SAXO1: variants seen among roughly 807,000 people sequenced by gnomAD.
The protein encoded by SAXO1 is 4930500O09Rik.
Under a neutral mutation model 17.5 loss-of-function variants are expected in SAXO1, and 21 were observed. The ratio of observed to expected loss-of-function variants is 1.20; its 90% confidence interval spans 0.85 to 1.72. The LOEUF is 1.72. Among genes scored for constraint, SAXO1 ranks in the 40% most tolerant of loss-of-function variants. The probability of loss-of-function intolerance (pLI) is 0.00; values close to 1 mark genes in which losing one functional copy is unlikely to be tolerated. For synonymous variants in SAXO1, 274 were observed against 216.5 expected (o/e 1.27, Z -2.33); for missense variants, 843 against 596.0 (o/e 1.41, Z -4.32).
intron 1 of SAXO1, among the ~76,000 whole-genome samples, chr9:18,961,220 G>C (rs913795773): frequency 5.3e-5 from 8 of 151,544 alleles, no homozygotes; most frequent in African/African-American, 1.7e-4. Flanking sequence ...AGGCTAGAGT[G>C]CAGTGGTGCA....
chr9:19,032,822 T>G, intron 1 of SAXO1, 49 bp downstream of exon 1: 1 of 1,592,546 alleles, frequency 6.3e-7, no homozygotes, highest in Non-Finnish European at 8.5e-7. Context: ...TCCTCGGGAG[T>G]CTGAAAACCC....
chr9:18,950,963 A>G (rs747554175), intron 1 of SAXO1, 26 bp from the exon 2 acceptor site: 1 of 1,591,200 alleles, frequency 6.3e-7, no homozygotes, highest in South Asian at 1.1e-5. Flanking sequence ...AGTTAGGTTG[A>G]TTACCTTCTT....
chr9:18,994,239 C>T (rs1477041502), intron 1 of SAXO1, among the ~76,000 whole-genome samples: 8 of 152,020 alleles, frequency 5.3e-5, no homozygotes, highest in Non-Finnish European at 8.8e-5. Flanking sequence ...TGTTTGTGTA[C>T]GTGTGTTTTT....
chr9:18,933,909 A>G lies in SAXO1; in HGVS notation c.422-4854T>C, dbSNP rs6475270. Among the ~76,000 whole-genome samples the G allele has an allele frequency of 9.2e-5, 14 of 151,974 alleles. 2 individuals are homozygous for G. The East Asian group carries it at 1.4e-3, about 15-fold the overall frequency. Reference sequence around the variant, plus strand: ...AAAATACAACAAATTAGCCAGGCGTAGTGGCGGGCGCCTGTAGTCCCAGCT... The same window carrying G: ...AAAATACAACAAATTAGCCAGGCGTGGTGGCGGGCGCCTGTAGTCCCAGCT... On this transcript the variant is annotated intron_variant, in intron 3 of 3. Transcript: ENST00000380534.
intron 1 of SAXO1, among the ~76,000 whole-genome samples, chr9:18,992,560 AT>A (rs1174799526): frequency 4.6e-5 from 7 of 152,168 alleles, no homozygotes; most frequent in Non-Finnish European, 4.4e-5. Context: ...AGGTGGCACA[AT>A]TCAATCCATA....
chr9:18,985,676 C>G lies in SAXO1; in HGVS notation c.39-34739G>C, dbSNP rs753580382. 3.9e-5 allele frequency among the ~76,000 whole-genome samples: 6 copies of G among 152,202 alleles called. 1 individual carries two copies. Among genetic ancestry groups the G allele is most frequent in the South Asian group, 4.1e-4 (2 of 4,828 alleles). On this transcript the variant is annotated intron_variant, in intron 1 of 3. Transcript: ENST00000380534. Reference sequence around the variant, plus strand: ...TCTGCAAGGAAAGGAGGTGAGAGCACGCAGAGCCACCACTCCGACTCCCCT... The same window carrying G: ...TCTGCAAGGAAAGGAGGTGAGAGCAGGCAGAGCCACCACTCCGACTCCCCT...
intron 3 of SAXO1, among the ~76,000 whole-genome samples, chr9:18,938,830 G>GTGTATGTGTGTA (rs1554667869): frequency 1.4e-5 from 2 of 147,864 alleles, no homozygotes; most frequent in South Asian, 2.2e-4. Context: ...GCGTGTGTGT[G>GTGTATGTGTGTA]TGTGTGTGTG....
chr9:19,011,665 A>T (rs1834734794), intron 1 of SAXO1, among the ~76,000 whole-genome samples: 1 of 152,204 alleles, frequency 6.6e-6, no homozygotes, highest in Non-Finnish European at 1.5e-5. Context: ...GAATATGGCT[A>T]TGTTATTCAA....
At chr9:19,019,335 T>G (rs1159698934) in intron 1 of SAXO1, among the ~76,000 whole-genome samples, 1 of 152,182 alleles carries the variant, frequency 6.6e-6, no homozygotes, top group Non-Finnish European at 1.5e-5. Flanking sequence ...TTTCTAGTGT[T>G]GAAAGTGATC....
intron 1 of SAXO1, among the ~76,000 whole-genome samples, chr9:19,002,027 G>A (rs1288831221): frequency 6.6e-6 from 1 of 151,952 alleles, no homozygotes; most frequent in Non-Finnish European, 1.5e-5. Flanking sequence ...AAAGAGAGAA[G>A]AGTCAAATAG....
chr9:19,027,595 C>A, intron 1 of SAXO1: 1 of 1,428,128 alleles, frequency 7.0e-7, no homozygotes, highest in South Asian at 1.1e-5. Flanking sequence ...TGACTGGCCC[C>A]CAGCTGGTGC....
At chr9:19,008,779 G>C (rs933965301) in intron 1 of SAXO1, among the ~76,000 whole-genome samples, 2 of 152,180 alleles carry the variant, frequency 1.3e-5, no homozygotes, top group African/African-American at 4.8e-5. Flanking sequence ...GAAAGGAGAA[G>C]GAGGGGACCC....
rs192377165 is a variant in SAXO1 at position 18,967,054 on chromosome 9, G to T, written c.39-16117C>A. ...TGGAGGTGCATTCCAGACCCTGTTT[G>T]CCTGGGTATCAACAGAGGAGGCTGC... On this transcript the variant is annotated intron_variant, in intron 1 of 3. Transcript: ENST00000380534. Among the ~76,000 whole-genome samples, 382 of 152,302 alleles carry T rather than the reference G, an allele frequency of 2.5e-3. 1 individual carries two copies. The highest frequency in any genetic ancestry group is 8.6e-3 in the African/African-American group (359 of 41,576).
intron 1 of SAXO1, among the ~76,000 whole-genome samples, chr9:19,021,358 C>A (rs1003428084): frequency 6.6e-6 from 1 of 152,212 alleles, no homozygotes; most frequent in Non-Finnish European, 1.5e-5. Context: ...GAGAAAGACA[C>A]ATACTCCCAA....
At chr9:18,949,593 G>T (rs953976111) in intron 2 of SAXO1, among the ~76,000 whole-genome samples, 2 of 152,114 alleles carry the variant, frequency 1.3e-5, no homozygotes, top group Admixed American at 6.5e-5. Context: ...CTCCCATTGT[G>T]GGTGCTCCTG....
At chr9:18,996,876 T>C (rs546430732) in intron 1 of SAXO1, among the ~76,000 whole-genome samples, 2 of 151,742 alleles carry the variant, frequency 1.3e-5, no homozygotes, top group African/African-American at 4.8e-5. Context: ...GTAAAAGGCA[T>C]CCAATTGGAA....
chr9:18,935,453 G>C (rs893254884), intron 3 of SAXO1, among the ~76,000 whole-genome samples: 4 of 152,180 alleles, frequency 2.6e-5, no homozygotes, highest in Non-Finnish European at 5.9e-5. Flanking sequence ...GATTAGGGAT[G>C]ATAAGTTGAT....
chr9:18,957,114 C>T (rs778687606), intron 1 of SAXO1, among the ~76,000 whole-genome samples: 6 of 152,192 alleles, frequency 3.9e-5, no homozygotes, highest in Non-Finnish European at 8.8e-5. Context: ...TCTGCCCTTC[C>T]AAGTTCCCTC....
At chr9:18,960,706 A>T (rs1832448746) in intron 1 of SAXO1, among the ~76,000 whole-genome samples, 1 of 152,216 alleles carries the variant, frequency 6.6e-6, no homozygotes, top group Non-Finnish European at 1.5e-5. Context: ...ACATGAGTCC[A>T]GAGGGTTGAG....
Sources: gnomAD v4.1 joint callset for allele counts (sites outside exome capture counted in the v4.1 genomes callset) on GRCh38, gnomAD v4.1.1 for gene constraint, MANE v1.5 for transcripts, NCBI Gene and HGNC (gene_info 2026-07-23, HGNC 2026-07-21) for gene names.